The following SMPDL3A variants were observed in gnomAD, a reference collection of about 807,000 sequenced individuals.
SMPDL3A encodes the protein cyclic GMP-AMP phosphodiesterase SMPDL3A.
A neutral mutation model predicts 38.5 loss-of-function variants in SMPDL3A; 39 were observed. The ratio of observed to expected loss-of-function variants is 1.01; its 90% CI spans 0.78 to 1.32. The LOEUF (loss-of-function observed/expected upper bound fraction) is 1.32. Among genes scored for constraint, SMPDL3A ranks in the 40% most tolerant of loss-of-function variants. The pLI is 0.00. For synonymous variants in SMPDL3A, 180 were observed against 194.3 expected, an observed-to-expected ratio of 0.93 and a Z score of 0.61; for missense variants, 502 against 536.2, an observed-to-expected ratio of 0.94 and a Z score of 0.63.
At position 122,803,828 on chromosome 6, in the gene SMPDL3A, G is replaced by A. The variant is rs1400621884; in HGVS notation, c.733G>A (p.Glu245Lys). 2 of 1,613,548 alleles carry A rather than the reference G, an allele frequency of 1.2e-6. No homozygotes were observed. Among genetic ancestry groups the A allele is most frequent in the African/African-American group, 1.3e-5 (1 of 75,018 alleles). The change falls in exon 5 of 8, where the codon GAG (glutamate) becomes AAG (lysine). Residue 245 changes from glutamate to lysine, a missense_variant. Glu to Lys is a moderately conservative substitution (Grantham distance 56, BLOSUM62 1). Transcript: ENST00000368440. ...ATTGAACAACTCTCAGCAGAATAAG[G>A]AGAAGGTAGATCCCATAGACCAAAA... ...STLNNSQQNK[E>K]KVYIIAHVPV...
chr6:122,797,329 A>G (rs1469970578), intron 3 of SMPDL3A: 2 of 173,064 alleles, frequency 1.2e-5, no homozygotes, highest in African/African-American at 4.8e-5. Flanking sequence ...AATATTGATA[A>G]ATATTTACTT....
At chr6:122,807,849 T>G (rs1204965288) in intron 7 of SMPDL3A, among the ~76,000 whole-genome samples, 1 of 152,164 alleles carries the variant, frequency 6.6e-6, no homozygotes, top group Non-Finnish European at 1.5e-5. Context: ...GTGTGATAAA[T>G]TAGTCCAAAA....
intron 6 of SMPDL3A, 69 bp downstream of exon 6, chr6:122,805,158 A>AT: frequency 7.7e-7 from 1 of 1,297,566 alleles, no homozygotes; most frequent in Non-Finnish European, 1.0e-6. Context: ...TATCCAGTAA[A>AT]TTTGCTGATT....
At chr6:122,797,318 T>G in intron 3 of SMPDL3A, 1 of 183,292 alleles carries the variant, frequency 5.5e-6, no homozygotes, top group South Asian at 1.7e-4. Context: ...CAAGTAAGGT[T>G]AATATTGATA....
chr6:122,800,718 C>A (rs1781399541), intron 3 of SMPDL3A, among the ~76,000 whole-genome samples: 1 of 105,394 alleles, frequency 9.5e-6, no homozygotes, highest in East Asian at 3.2e-4. Flanking sequence ...CTCTCTAATT[C>A]CCTGGGCTAC....
chr6:122,792,872 G>A (rs1781122287), intron 1 of SMPDL3A, among the ~76,000 whole-genome samples: 1 of 151,976 alleles, frequency 6.6e-6, no homozygotes, highest in Admixed American at 6.6e-5. Flanking sequence ...ATGAGTACCC[G>A]TTTTCATTAT....
At position 122,804,950 on chromosome 6, in the gene SMPDL3A, T is replaced by C. The variant is rs1781553623; in HGVS notation, c.780T>C (p.Ser260=). The change falls in exon 6 of 8, where the codon TCT becomes TCC. Residue 260 remains serine, a synonymous_variant. Transcript: ENST00000368440. Reference sequence around the variant, plus strand: ...ATGTTCCAGTGGGGTATCTGCCATCTTCACAGAACATCACAGCAATGAGAG... The same window carrying C: ...ATGTTCCAGTGGGGTATCTGCCATCCTCACAGAACATCACAGCAATGAGAG... ...IAHVPVGYLP[S]SQNITAMREY... The C allele has an allele frequency of 6.8e-6, 11 of 1,612,636 alleles. No individual in the cohort carries two copies. The highest frequency in any genetic ancestry group is 1.1e-5 in the South Asian group (1 of 90,464).
intron 7 of SMPDL3A, among the ~76,000 whole-genome samples, chr6:122,807,715 T>TA (rs2115177581): frequency 6.6e-6 from 1 of 152,066 alleles, no homozygotes; most frequent in South Asian, 2.1e-4. Flanking sequence ...ACTGCTTTTT[T>TA]TTTTCTGGAT....
chr6:122,791,008 A>G (rs1376692668), intron 1 of SMPDL3A, among the ~76,000 whole-genome samples: 1 of 152,188 alleles, frequency 6.6e-6, no homozygotes, highest in Admixed American at 6.5e-5. Context: ...TGGAGTTCAA[A>G]GGTCTGAAGT....
intron 5 of SMPDL3A, 82 bp from the exon 6 acceptor site, chr6:122,804,827 A>G (rs558328126): frequency 2.6e-6 from 3 of 1,155,900 alleles, no homozygotes; most frequent in Middle Eastern, 2.7e-4. Context: ...TATACTTTCA[A>G]TCTTGGGTAT....
At chr6:122,802,561 G>T (rs1781462233) in intron 4 of SMPDL3A, among the ~76,000 whole-genome samples, 3 of 152,150 alleles carry the variant, frequency 2.0e-5, no homozygotes, top group Non-Finnish European at 4.4e-5. Flanking sequence ...GCAGGTTGAA[G>T]GGAGAGCCAT....
chr6:122,795,579 A>C, intron 1 of SMPDL3A, 98 bp from the exon 2 acceptor site: 1 of 854,704 alleles, frequency 1.2e-6, no homozygotes, highest in Non-Finnish European at 1.8e-6. Flanking sequence ...CCTCCATCAC[A>C]GGGAGGAACA....
chr6:122,800,307 G>A (rs1233649876), intron 3 of SMPDL3A, among the ~76,000 whole-genome samples: 1 of 152,166 alleles, frequency 6.6e-6, no homozygotes, highest in African/African-American at 2.4e-5. Context: ...AATTTATGCT[G>A]CCCTAAAGAG....
intron 6 of SMPDL3A, among the ~76,000 whole-genome samples, 199 bp downstream of exon 6, chr6:122,805,288 C>T (rs138820149): frequency 6.8e-4 from 103 of 152,328 alleles, no homozygotes; most frequent in African/African-American, 2.3e-3. Context: ...ATTTCTTCAA[C>T]GTAAGCTCCT....
intron 6 of SMPDL3A, 101 bp downstream of exon 6, chr6:122,805,190 TA>T: frequency 9.9e-7 from 1 of 1,012,232 alleles, no homozygotes; most frequent in Non-Finnish European, 1.4e-6. Flanking sequence ...ACGTTTTATT[TA>T]AAAATCTGCC....
chr6:122,793,155 T>C (rs1036593558), intron 1 of SMPDL3A, among the ~76,000 whole-genome samples: 1 of 152,220 alleles, frequency 6.6e-6, no homozygotes, highest in African/African-American at 2.4e-5. Flanking sequence ...AAACATGTAA[T>C]AAGTACTTGA....
chr6:122,791,565 T>C (rs1168553267), intron 1 of SMPDL3A, among the ~76,000 whole-genome samples: 4 of 152,234 alleles, frequency 2.6e-5, no homozygotes, highest in South Asian at 2.1e-4. Context: ...CTATGGTTCA[T>C]TGGATTCTTG....
At chr6:122,807,083 G>A (rs985812593) in intron 7 of SMPDL3A, among the ~76,000 whole-genome samples, 3 of 34,700 alleles carry the variant, frequency 8.6e-5, no homozygotes, top group South Asian at 1.5e-3. Context: ...TGTAGAGATG[G>A]GGGGGGGGGG....
At chr6:122,789,568 G>C in intron 1 of SMPDL3A, 110 bp downstream of exon 1, 7 of 1,029,380 alleles carry the variant, frequency 6.8e-6, no homozygotes, top group South Asian at 1.4e-5. Context: ...GCAGAGGCTC[G>C]GGCTAGCGGG....
Sources: gnomAD v4.1 joint callset for allele counts (sites outside exome capture counted in the v4.1 genomes callset) on GRCh38, gnomAD v4.1.1 for gene constraint, MANE v1.5 for transcripts, NCBI Gene and HGNC (gene_info 2026-07-23, HGNC 2026-07-21) for gene names.